Variants in ARFIP1 observed in about 807,000 individuals in gnomAD.
The protein encoded by ARFIP1 is ARF interacting protein 1.
Under a neutral mutation model 42.5 loss-of-function variants are expected in ARFIP1, and 24 were observed. The ratio of observed to expected loss-of-function variants is 0.57; its 90% CI spans 0.41 to 0.80. The LOEUF (loss-of-function observed/expected upper bound fraction) is 0.80. Among genes scored for constraint, ARFIP1 ranks in the 30% least tolerant of loss-of-function variants. ARFIP1 has a pLI of 0.00. For missense variants in ARFIP1, 354 were observed against 434.0 expected (o/e 0.82, Z 1.64); for synonymous variants, 141 against 153.7 (o/e 0.92, Z 0.61).
intron 1 of ARFIP1, among the ~76,000 whole-genome samples, chr4:152,801,575 T>C (rs1728422933): frequency 6.6e-6 from 1 of 152,130 alleles, no homozygotes; most frequent in South Asian, 2.1e-4. Context: ...GTTTGAGAAT[T>C]ACCTTCCTAC....
At position 152,909,370 on chromosome 4, in the gene ARFIP1, G is replaced by A. The variant is rs546271140; in HGVS notation, c.967-694G>A. On this transcript the variant is annotated intron_variant, in intron 8 of 8. Coordinates refer to ENST00000353617, the MANE Select transcript of ARFIP1 (RefSeq NM_001025595.3). ...ACTGCATAACAGCCTGGGTGACAGA[G>A]CAAGACTCTGTCTCAAAAAACAAAA... 2.6e-5 allele frequency among the ~76,000 whole-genome samples: 4 copies of A among 152,300 alleles called. No homozygotes were observed. In the South Asian group the frequency reaches 6.2e-4, roughly 24 times the overall value.
intron 8 of ARFIP1, among the ~76,000 whole-genome samples, chr4:152,906,401 C>T (rs1332125587): frequency 6.6e-6 from 1 of 152,178 alleles, no homozygotes; most frequent in Admixed American, 6.5e-5. Flanking sequence ...GTAAATGCAA[C>T]TTCATTCTTT....
At chr4:152,860,257 A>G (rs1024571618) in intron 2 of ARFIP1, among the ~76,000 whole-genome samples, 1 of 152,234 alleles carries the variant, frequency 6.6e-6, no homozygotes, top group Non-Finnish European at 1.5e-5. Flanking sequence ...GCCTGGGGTT[A>G]TGCAGCCATT....
intron 2 of ARFIP1, among the ~76,000 whole-genome samples, chr4:152,863,062 G>A (rs372102560): frequency 3.9e-5 from 6 of 152,146 alleles, no homozygotes; most frequent in African/African-American, 1.4e-4. Context: ...TTCTGTTATA[G>A]GCTAATTTGC....
At chr4:152,908,891 AGT>A (rs58362465) in intron 8 of ARFIP1, among the ~76,000 whole-genome samples, 23,025 of 132,168 alleles carry the variant, frequency 0.17, 1,785 homozygotes, top group Middle Eastern at 0.2. Flanking sequence ...GCTAGAGAGA[AGT>A]GTGTGTGTGT....
chr4:152,872,602 T>C lies in ARFIP1; in HGVS notation c.411+38T>C, dbSNP rs1157620815. On this transcript the variant is annotated intron_variant, in intron 5 of 8. Transcript: ENST00000353617. Reference sequence around the variant, plus strand: ...TTAATGTTTCCACCCTAAATGGCTCTAAAAAAGTTCATTTATATGTTTATT... The same window carrying C: ...TTAATGTTTCCACCCTAAATGGCTCCAAAAAAGTTCATTTATATGTTTATT... 7 of 1,244,608 alleles carry C rather than the reference T, an allele frequency of 5.6e-6. No homozygotes were observed. In the East Asian group the frequency reaches 1.8e-4, roughly 32 times the overall value. 77.1% of individuals were successfully genotyped at this position (1,244,608 alleles called of 1,614,324 possible). A position where few individuals can be genotyped will look rare whatever the true frequency, so the allele number is the denominator to read the frequency against.
At chr4:152,836,721 A>G (rs1731677596) in intron 2 of ARFIP1, among the ~76,000 whole-genome samples, 1 of 152,176 alleles carries the variant, frequency 6.6e-6, no homozygotes, top group Admixed American at 6.5e-5. Context: ...TTTGAGTAGC[A>G]CTGAAACAAA....
At chr4:152,810,579 C>T (rs971151664) in intron 1 of ARFIP1, among the ~76,000 whole-genome samples, 6 of 151,428 alleles carry the variant, frequency 4.0e-5, no homozygotes, top group Non-Finnish European at 1.5e-5. Context: ...GAGGCTGAGG[C>T]GGGTGGATCA....
In ARFIP1 at chr4:152,783,562, G is replaced by A. The variant is rs183970560; in HGVS notation, c.-10+3336G>A. Reference sequence around the variant, plus strand: ...GCTAAAGTAGTCTGCTCAGAATTGCGCTGGTGGAGCCAGTGCATGGCTCCA... The same window carrying A: ...GCTAAAGTAGTCTGCTCAGAATTGCACTGGTGGAGCCAGTGCATGGCTCCA... On this transcript the variant is annotated intron_variant, in intron 1 of 8. Transcript: ENST00000353617. Among the ~76,000 whole-genome samples, 631 of 152,258 alleles carry A rather than the reference G, an allele frequency of 4.1e-3. 5 individuals are homozygous for A. Among genetic ancestry groups the A allele is most frequent in the Middle Eastern group, 0.017 (5 of 294 alleles).
At chr4:152,811,248 A>G (rs1729440200) in intron 1 of ARFIP1, among the ~76,000 whole-genome samples, 1 of 152,034 alleles carries the variant, frequency 6.6e-6, no homozygotes, top group Non-Finnish European at 1.5e-5. Context: ...AATTTCCTCA[A>G]GTATTATCCG....
rs66556811 is a variant in ARFIP1, at chr4:152,823,776, CAAAAAAAAAAAAAAAA to C, written c.-9-5836_-9-5821del. 1.3e-4 allele frequency among the ~76,000 whole-genome samples: 8 copies of C among 63,142 alleles called. No individual in the cohort carries two copies. In the South Asian group the frequency reaches 2.7e-3, roughly 21 times the overall value. The allele number at this position is 63,142 out of a possible 152,430, so 41.4% of individuals were successfully genotyped here. On this transcript the variant is annotated intron_variant, in intron 1 of 8. Coordinates refer to ENST00000353617, the MANE Select transcript of ARFIP1 (RefSeq NM_001025595.3). Reference sequence around the variant, plus strand: ...TGGGCAACACAGCAAGTCTCCATCTCAAAAAAAAAAAAAAAAAAAAAAAAAAAAGAATTGGTACCAA... The same window carrying C: ...TGGGCAACACAGCAAGTCTCCATCTCAAAAAAAAAAAAGAATTGGTACCAA...
At chr4:152,862,936 A>C (rs1734008996) in intron 2 of ARFIP1, among the ~76,000 whole-genome samples, 1 of 152,184 alleles carries the variant, frequency 6.6e-6, no homozygotes, top group South Asian at 2.1e-4. Context: ...GGGAAAAAAA[A>C]CTTAGAATAT....
At chr4:152,787,222 G>T (rs1192130341) in intron 1 of ARFIP1, among the ~76,000 whole-genome samples, 1 of 152,130 alleles carries the variant, frequency 6.6e-6, no homozygotes. Context: ...TGTAATACAA[G>T]AATTTGAATA....
chr4:152,899,664 A>G (rs1412994556), intron 8 of ARFIP1, among the ~76,000 whole-genome samples: 1 of 152,206 alleles, frequency 6.6e-6, no homozygotes, highest in African/African-American at 2.4e-5. Flanking sequence ...GTTAAAGCAC[A>G]TAACATACTA....
chr4:152,830,460 C>A (rs769854788), intron 2 of ARFIP1, among the ~76,000 whole-genome samples: 1 of 152,102 alleles, frequency 6.6e-6, no homozygotes, highest in Non-Finnish European at 1.5e-5. Flanking sequence ...ATTAAACATT[C>A]CTTTTTATGA....
chr4:152,859,115 G>A (rs1733669985), intron 2 of ARFIP1, among the ~76,000 whole-genome samples: 2 of 151,862 alleles, frequency 1.3e-5, no homozygotes. Flanking sequence ...CAGTCTACAG[G>A]GCAGTCGCAC....
At chr4:152,799,291 A>G (rs1249970182) in intron 1 of ARFIP1, among the ~76,000 whole-genome samples, 3 of 152,148 alleles carry the variant, frequency 2.0e-5, no homozygotes, top group Non-Finnish European at 4.4e-5. Flanking sequence ...TATTTTCCCC[A>G]TTTTTTAGTT....
intron 5 of ARFIP1, among the ~76,000 whole-genome samples, chr4:152,874,526 ACT>A (rs1457860512): frequency 2.0e-5 from 3 of 151,882 alleles, no homozygotes; most frequent in South Asian, 2.1e-4. Context: ...GGTCTGCATG[ACT>A]CTCTGTGTTC....
intron 1 of ARFIP1, among the ~76,000 whole-genome samples, chr4:152,818,495 G>A (rs2149837764): frequency 6.6e-6 from 1 of 152,318 alleles, no homozygotes. Context: ...TATCACAGGG[G>A]ACCTCATGTC....
Sources: allele counts gnomAD v4.1 joint callset (sites outside exome capture counted in the v4.1 genomes callset), GRCh38; gene constraint gnomAD v4.1.1; transcripts MANE v1.5; gene names NCBI Gene and HGNC (gene_info 2026-07-23, HGNC 2026-07-21).